Variants in PDE6D observed in about 807,000 individuals in gnomAD.
PDE6D encodes retinal rod rhodopsin-sensitive cGMP 3',5'-cyclic phosphodiesterase subunit delta.
A neutral mutation model predicts 21.9 loss-of-function variants in PDE6D; 10 were observed. The observed-to-expected ratio is 0.46, with a 90% CI of 0.28 to 0.78. PDE6D has a LOEUF of 0.78. Ranked by LOEUF, PDE6D falls within the 30% of genes least tolerant of loss-of-function variation. The pLI, the probability that PDE6D is intolerant of heterozygous loss-of-function variation, is 0.12. For missense variants in PDE6D, 139 were observed against 184.8 expected (o/e 0.75, Z 1.44); for synonymous variants, 59 against 63.5 (o/e 0.93, Z 0.34).
chr2:231,743,375 G>A (rs950732436), intron 1 of PDE6D, among the ~76,000 whole-genome samples: 5 of 142,500 alleles, frequency 3.5e-5, no homozygotes, highest in Non-Finnish European at 7.5e-5. Flanking sequence ...AGTGAGCAGT[G>A]AGCCAAGATC....
At chr2:231,776,257 G>T (rs951041879) in intron 1 of PDE6D, among the ~76,000 whole-genome samples, 1 of 145,378 alleles carries the variant, frequency 6.9e-6, no homozygotes, top group South Asian at 2.2e-4. Flanking sequence ...GGAGGTAGAG[G>T]TTGCAGTGAG....
chr2:231,739,520 ATATCAGATG>A lies in PDE6D; in HGVS notation c.51-341_51-333del, dbSNP rs1306365701. On this transcript the variant is annotated intron_variant, in intron 1 of 4. Coordinates refer to ENST00000287600, the MANE Select transcript of PDE6D (RefSeq NM_002601.4). This position sits in a 1 kb window ranked among gnomAD's most constrained non-coding sequence, Gnocchi z 4.2. ...CAAGATAAAATACCTAAAGAAACAA[ATATCAGATG>A]TACCCCAAGGAAACAACTCATGAAG... Among the ~76,000 whole-genome samples, 3 of 152,218 alleles carry A rather than the reference ATATCAGATG, an allele frequency of 2.0e-5. No individual in the cohort carries two copies. The highest frequency in any genetic ancestry group is 7.2e-5 in the African/African-American group (3 of 41,454).
At chr2:231,765,360 C>A (rs531566284) in intron 1 of PDE6D, among the ~76,000 whole-genome samples, 59 of 152,042 alleles carry the variant, frequency 3.9e-4, no homozygotes, top group Non-Finnish European at 7.2e-4. Flanking sequence ...AACCCACCAA[C>A]GAACCAAAAA....
rs377576254 is a variant in PDE6D, at chr2:231,766,536, G to T, written c.50+14529C>A. On this transcript the variant is annotated intron_variant, in intron 1 of 4. Coordinates refer to ENST00000287600, the MANE Select transcript of PDE6D (RefSeq NM_002601.4). ...ATACAAGGCCTTTTCCCAAGGGCAT[G>T]TTCCCAAAAGGGCCACTGTTTCTTT... Among the ~76,000 whole-genome samples the T allele has an allele frequency of 4.6e-5, 7 of 152,154 alleles. 1 individual carries two copies. The highest frequency in any genetic ancestry group is 3.8e-4 in the East Asian group (2 of 5,200).
At chr2:231,744,783 A>G (rs571409147) in intron 1 of PDE6D, among the ~76,000 whole-genome samples, 108 of 152,276 alleles carry the variant, frequency 7.1e-4, no homozygotes, top group African/African-American at 2.3e-3. Flanking sequence ...TCTATAAAAT[A>G]TATTTATATG....
At chr2:231,769,807 A>C (rs1258163648) in intron 1 of PDE6D, among the ~76,000 whole-genome samples, 1 of 152,248 alleles carries the variant, frequency 6.6e-6, no homozygotes, top group African/African-American at 2.4e-5. Context: ...ATAGTCTGTT[A>C]GATTCTTATC....
At chr2:231,767,970 C>T (rs1322134611) in intron 1 of PDE6D, among the ~76,000 whole-genome samples, 1 of 151,350 alleles carries the variant, frequency 6.6e-6, no homozygotes, top group African/African-American at 2.4e-5. Flanking sequence ...CTCAGCCTCC[C>T]GAGTAGCTGG....
chr2:231,738,971 C>T, intron 2 of PDE6D, 129 bp downstream of exon 2: 1 of 439,674 alleles, frequency 2.3e-6, no homozygotes, highest in Non-Finnish European at 4.3e-6. Flanking sequence ...GTCAACAACA[C>T]ATGGATTAAC....
At chr2:231,770,148 T>C (rs998504833) in intron 1 of PDE6D, among the ~76,000 whole-genome samples, 21 of 152,340 alleles carry the variant, frequency 1.4e-4, no homozygotes, top group African/African-American at 5.1e-4. Context: ...GTTACTTTAT[T>C]GGACAAAACT....
chr2:231,769,346 C>T (rs1486009490), intron 1 of PDE6D, among the ~76,000 whole-genome samples: 2 of 152,142 alleles, frequency 1.3e-5, no homozygotes, highest in Non-Finnish European at 2.9e-5. Context: ...TTAAGGCTTA[C>T]AGTTACATTT....
intron 1 of PDE6D, among the ~76,000 whole-genome samples, chr2:231,744,345 G>A (rs996609747): frequency 6.6e-6 from 1 of 152,156 alleles, no homozygotes; most frequent in East Asian, 1.9e-4. Context: ...TATTTCAAGG[G>A]AGAGAAGTAG....
intron 1 of PDE6D, among the ~76,000 whole-genome samples, chr2:231,764,950 G>A (rs761030003): frequency 6.6e-6 from 1 of 152,126 alleles, no homozygotes; most frequent in Non-Finnish European, 1.5e-5. Flanking sequence ...TGCTTTCAGG[G>A]TCCAGTGGAC....
intron 1 of PDE6D, among the ~76,000 whole-genome samples, chr2:231,762,338 G>GTTT (rs1559327728): frequency 1.7e-5 from 2 of 119,216 alleles, no homozygotes; most frequent in Non-Finnish European, 3.4e-5. Context: ...AAGGACTAAC[G>GTTT]CTTTTTTTTT....
intron 1 of PDE6D, among the ~76,000 whole-genome samples, chr2:231,761,159 A>G (rs2048921515): frequency 6.6e-6 from 1 of 152,062 alleles, no homozygotes. Context: ...TGGCCCAACA[A>G]TGGCTATAAA....
intron 1 of PDE6D, among the ~76,000 whole-genome samples, chr2:231,748,375 G>C (rs2048811088): frequency 6.6e-6 from 1 of 152,090 alleles, no homozygotes; most frequent in South Asian, 2.1e-4. Flanking sequence ...GAGTTTTCTG[G>C]AACTTTGAAC....
At chr2:231,763,386 G>A (rs80100565) in intron 1 of PDE6D, among the ~76,000 whole-genome samples, 2,169 of 151,746 alleles carry the variant, frequency 0.014, 30 homozygotes, top group Non-Finnish European at 0.018. Flanking sequence ...CATTCCAATC[G>A]TCTCATTCAT....
chr2:231,775,484 TG>T lies in PDE6D; in HGVS notation c.50+5580del, dbSNP rs2049048239. On this transcript the variant is annotated intron_variant, in intron 1 of 4. Coordinates refer to ENST00000287600, the MANE Select transcript of PDE6D (RefSeq NM_002601.4). ...CCACCACACCTGGCTAATTTTTGTG[TG>T]TGTTTTTTTTTTTTTTTTGTAGAGG... 3.8e-5 allele frequency among the ~76,000 whole-genome samples: 5 copies of T among 133,302 alleles called. 1 individual carries two copies. The highest frequency in any genetic ancestry group is 7.6e-5 in the Admixed American group (1 of 13,168). 87.5% of individuals were successfully genotyped at this position (133,302 alleles called of 152,430 possible).
intron 1 of PDE6D, among the ~76,000 whole-genome samples, chr2:231,761,317 A>G (rs1156744121): frequency 2.0e-5 from 3 of 152,024 alleles, no homozygotes; most frequent in Admixed American, 6.6e-5. Flanking sequence ...TGGGACTACA[A>G]GGTGCCTGCC....
At chr2:231,768,424 T>A (rs1559331919) in intron 1 of PDE6D, among the ~76,000 whole-genome samples, 1 of 151,958 alleles carries the variant, frequency 6.6e-6, no homozygotes, top group Non-Finnish European at 1.5e-5. Context: ...GGAGTCTCCC[T>A]CTGTCGTACA....
Sources: allele counts gnomAD v4.1 joint callset (sites outside exome capture counted in the v4.1 genomes callset), GRCh38; gene constraint gnomAD v4.1.1; non-coding constraint Gnocchi (gnomAD v3.1); transcripts MANE v1.5; gene names NCBI Gene and HGNC (gene_info 2026-07-23, HGNC 2026-07-21).